NKD1: variants seen among roughly 807,000 people sequenced by gnomAD.
NKD1 encodes the protein NKD inhibitor of Wnt signaling pathway 1, also known as protein naked cuticle homolog 1.
In NKD1, 21 loss-of-function variants were observed where a neutral mutation model predicts 56.0. The ratio of observed to expected loss-of-function variants is 0.38; its 90% CI spans 0.27 to 0.54. The LOEUF (loss-of-function observed/expected upper bound fraction) is 0.54, where lower values mean the gene tolerates loss of function less well. Ranked by LOEUF, NKD1 falls within the 20% of genes least tolerant of loss-of-function variation. The pLI is 0.82. For synonymous variants in NKD1, 263 were observed against 265.7 expected, an observed-to-expected ratio of 0.99 and a Z score of 0.10; for missense variants, 578 against 642.7, an observed-to-expected ratio of 0.90 and a Z score of 1.09.
chr16:50,574,211 A>G, intron 3 of NKD1: 2 of 985,158 alleles, frequency 2.0e-6, no homozygotes, highest in Non-Finnish European at 2.4e-6. Context: ...CTGGGACTCA[A>G]TTTTCTCTCC....
chr16:50,633,971 G>T lies in NKD1; in HGVS notation c.*190G>T. On this transcript the variant is annotated 3_prime_UTR_variant, in exon 10 of 10. Transcript: ENST00000268459. This position sits in a 1 kb window ranked among gnomAD's most constrained non-coding sequence, Gnocchi z 4.9. Reference sequence around the variant, plus strand: ...CACAGAACTAAACTTTTATTTATATGTTGTGGGGACTGCATAACTAGCCCA... The same window carrying T: ...CACAGAACTAAACTTTTATTTATATTTTGTGGGGACTGCATAACTAGCCCA... 1 of 497,334 alleles carries T rather than the reference G, an allele frequency of 2.0e-6. No individual in the cohort carries two copies. The highest frequency in any genetic ancestry group is 3.5e-6 in the Non-Finnish European group (1 of 282,216). The allele number at this position is 497,334 out of a possible 1,614,324, so 30.8% of individuals were successfully genotyped here. A position where few individuals can be genotyped will look rare whatever the true frequency, so the allele number is the denominator to read the frequency against.
At chr16:50,572,751 C>A (rs530315034) in intron 3 of NKD1, among the ~76,000 whole-genome samples, 1 of 152,134 alleles carries the variant, frequency 6.6e-6, no homozygotes, top group African/African-American at 2.4e-5. Context: ...GGGTGCAGCA[C>A]GGTGTCCGGG....
At position 50,625,701 on chromosome 16, in the gene NKD1, T is replaced by G. The variant is rs1237744956; in HGVS notation, c.462+121T>G. ...CGGTCCTGCCCCTCAGGGAAGGCCG[T>G]AACAGCCAGGGAGTTGCTGGGAGCT... is the stretch of plus-strand genomic sequence containing the variant. On this transcript the variant is annotated intron_variant, in intron 6 of 9. Coordinates refer to ENST00000268459, the MANE Select transcript of NKD1 (RefSeq NM_033119.5). 7 of 677,372 alleles carry G rather than the reference T, an allele frequency of 1.0e-5. No individual in the cohort carries two copies. The South Asian group carries it at 1.2e-4, about 12-fold the overall frequency. 42.0% of individuals were successfully genotyped at this position (677,372 alleles called of 1,614,324 possible). A position where few individuals can be genotyped will look rare whatever the true frequency, so the allele number is the denominator to read the frequency against.
chr16:50,633,551 G>GC lies in NKD1; in HGVS notation c.1189dup (p.Leu397ProfsTer46), dbSNP rs1227905976. 1.9e-6 allele frequency: 3 copies of GC among 1,610,998 alleles called. No individual in the cohort carries two copies. Among genetic ancestry groups the GC allele is most frequent in the Non-Finnish European group, 2.5e-6 (3 of 1,179,314 alleles). ...CAGCCCGGCCCTCCTCCCCTCCCTA[G>GC]CCCCCCTCGGGCACAAGAAGCACAA... On this transcript the variant is annotated frameshift_variant, in exon 10 of 10. Transcript: ENST00000268459. LOFTEE classifies it high-confidence loss of function. The surrounding 1 kb of genome is among the most constrained non-coding windows in gnomAD (Gnocchi z 4.9).
rs1424484056 is a variant in NKD1 at position 50,562,785 on chromosome 16, G to C, written c.192+13230G>C. ...GGGGGGAGGAGGGCACTCCCCATTT[G>C]TAGTGTAGCGGGACCTAATGAGCGA... On this transcript the variant is annotated intron_variant, in intron 3 of 9. Transcript: ENST00000268459. Among the ~76,000 whole-genome samples the C allele has an allele frequency of 3.9e-5, 6 of 152,142 alleles. No individual in the cohort carries two copies. In the East Asian group the frequency reaches 9.6e-4, roughly 24 times the overall value.
chr16:50,631,779 A>G (rs780402877), intron 8 of NKD1, among the ~76,000 whole-genome samples: 1 of 152,160 alleles, frequency 6.6e-6, no homozygotes, highest in Non-Finnish European at 1.5e-5. Context: ...TAAGTCACAC[A>G]TGCATGTGCA....
At chr16:50,558,121 T>C (rs1050546974) in intron 3 of NKD1, 1 of 152,256 alleles carries the variant, frequency 6.6e-6, no homozygotes, top group Non-Finnish European at 1.5e-5. Flanking sequence ...AAAATCCAGC[T>C]GTCTGAATTT....
At chr16:50,606,837 C>T (rs375915551) in intron 3 of NKD1, 5 of 456,614 alleles carry the variant, frequency 1.1e-5, no homozygotes, top group African/African-American at 4.0e-5. Flanking sequence ...TTTCAGGGGG[C>T]GGTGGCACCC....
At chr16:50,631,896 C>G (rs985683666) in intron 8 of NKD1, among the ~76,000 whole-genome samples, 1 of 152,248 alleles carries the variant, frequency 6.6e-6, no homozygotes, top group Non-Finnish European at 1.5e-5. Flanking sequence ...GCCCACACCC[C>G]CTGAGGAACC....
Position 50,567,013 on chromosome 16 carries a change from C to G in NKD1, c.192+17458C>G, listed in dbSNP as rs939091987. 5.9e-5 allele frequency among the ~76,000 whole-genome samples: 9 copies of G among 151,544 alleles called. No individual in the cohort carries two copies. The South Asian group carries it at 1.3e-3, about 21-fold the overall frequency. Reference sequence around the variant, plus strand: ...CTGTTTTAGTTTTTATGGCCCCCCCCCTTTTTTTTTAAGACTTAATTGCAT... The same window carrying G: ...CTGTTTTAGTTTTTATGGCCCCCCCGCTTTTTTTTTAAGACTTAATTGCAT... On this transcript the variant is annotated intron_variant, in intron 3 of 9. Coordinates refer to ENST00000268459, the MANE Select transcript of NKD1 (RefSeq NM_033119.5).
At chr16:50,590,043 C>T (rs887988772) in intron 3 of NKD1, among the ~76,000 whole-genome samples, 15 of 151,992 alleles carry the variant, frequency 9.9e-5, no homozygotes, top group African/African-American at 3.4e-4. Flanking sequence ...ACAGGTCTTG[C>T]TATGATTCCC....
intron 3 of NKD1, among the ~76,000 whole-genome samples, chr16:50,582,247 A>G (rs758193815): frequency 6.6e-6 from 1 of 152,104 alleles, no homozygotes; most frequent in Non-Finnish European, 1.5e-5. Context: ...TTTTAGTTAG[A>G]TGATTAAGGA....
At position 50,638,054 on chromosome 16, in the gene NKD1, C is replaced by T. The variant is rs761087371; in HGVS notation, c.*4273C>T. On this transcript the variant is annotated 3_prime_UTR_variant, in exon 10 of 10. Transcript: ENST00000268459. ...ACAGCTAGGAGCAGTTTCTTTCACT[C>T]CTACAGCCCCGTTTTCTCAGTGTTT... is the stretch of plus-strand genomic sequence containing the variant. 1.3e-5 allele frequency: 2 copies of T among 152,214 alleles called. No homozygotes were observed. Among genetic ancestry groups the T allele is most frequent in the Non-Finnish European group, 2.9e-5 (2 of 68,050 alleles). 9.4% of individuals were successfully genotyped at this position (152,214 alleles called of 1,614,324 possible).
chr16:50,618,280 A>G (rs1401758171), intron 4 of NKD1, among the ~76,000 whole-genome samples: 3 of 152,114 alleles, frequency 2.0e-5, no homozygotes, highest in Non-Finnish European at 4.4e-5. Context: ...ATAATTTCTC[A>G]AGCGGAAAAA....
intron 3 of NKD1, among the ~76,000 whole-genome samples, chr16:50,584,637 G>A (rs888189051): frequency 6.6e-6 from 1 of 152,232 alleles, no homozygotes; most frequent in African/African-American, 2.4e-5. Context: ...GTGGCACAGT[G>A]TCTGGCACAG....
chr16:50,586,342 G>T lies in NKD1; in HGVS notation c.193-21952G>T, dbSNP rs554646251. 4.6e-4 allele frequency among the ~76,000 whole-genome samples: 66 copies of T among 141,950 alleles called. No homozygotes were observed. In the South Asian group the frequency reaches 0.016, roughly 34 times the overall value. 93.1% of individuals were successfully genotyped at this position (141,950 alleles called of 152,430 possible). A position where few individuals can be genotyped will look rare whatever the true frequency, so the allele number is the denominator to read the frequency against. ...TCAAAGAGTTTCCCTGTTTGAGAAA[G>T]CGTGGATCACTGAGTCACAGAGGCG... On this transcript the variant is annotated intron_variant, in intron 3 of 9. Transcript: ENST00000268459.
intron 3 of NKD1, among the ~76,000 whole-genome samples, chr16:50,585,869 C>T (rs887191614): frequency 2.0e-5 from 3 of 152,194 alleles, no homozygotes; most frequent in African/African-American, 4.8e-5. Context: ...GTCATTTCAT[C>T]GAGTCTGTGC....
chr16:50,595,035 A>T (rs1961444334), intron 3 of NKD1, among the ~76,000 whole-genome samples: 1 of 152,194 alleles, frequency 6.6e-6, no homozygotes. Flanking sequence ...GTTGCCTGAG[A>T]CAGTGCTTGT....
At chr16:50,581,365 A>T (rs1961112247) in intron 3 of NKD1, among the ~76,000 whole-genome samples, 1 of 152,168 alleles carries the variant, frequency 6.6e-6, no homozygotes, top group South Asian at 2.1e-4. Context: ...ATTACTCAGG[A>T]TTCCTTCAGT....
Sources: gnomAD v4.1 joint callset for allele counts (sites outside exome capture counted in the v4.1 genomes callset) on GRCh38, gnomAD v4.1.1 for gene constraint, Gnocchi (gnomAD v3.1) non-coding constraint, MANE v1.5 for transcripts, NCBI Gene and HGNC (gene_info 2026-07-23, HGNC 2026-07-21) for gene names.